Variants in SPATA13 observed in about 807,000 individuals in gnomAD.
SPATA13 encodes spermatogenesis-associated protein 13.
Under a neutral mutation model 104.0 loss-of-function variants are expected in SPATA13, and 50 were observed. The observed-to-expected ratio is 0.48, with a 90% CI of 0.38 to 0.61. The LOEUF (loss-of-function observed/expected upper bound fraction) is 0.61. SPATA13 is among the 20% of genes least tolerant of loss of function. The pLI, the probability that SPATA13 is intolerant of heterozygous loss-of-function variation, is 0.00. For missense variants in SPATA13, 1,524 were observed against 1,690.6 expected (o/e 0.90, Z 1.73); for synonymous variants, 606 against 667.5 (o/e 0.91, Z 1.42).
chr13:24,108,933 C>G (rs544656896), intron 3 of SPATA13, among the ~76,000 whole-genome samples: 1 of 152,256 alleles, frequency 6.6e-6, no homozygotes, highest in African/African-American at 2.4e-5. Context: ...CTGCTTGTAG[C>G]CCACACTCCA....
intron 1 of SPATA13, among the ~76,000 whole-genome samples, chr13:24,180,796 A>G (rs1171893032): frequency 6.6e-6 from 1 of 152,168 alleles, no homozygotes; most frequent in Non-Finnish European, 1.5e-5. Flanking sequence ...GTCTATAGAC[A>G]TGTGATGGAT....
At chr13:24,206,832 C>T (rs1206610428) in intron 1 of SPATA13, among the ~76,000 whole-genome samples, 1 of 148,146 alleles carries the variant, frequency 6.8e-6, no homozygotes, top group East Asian at 2.0e-4. Flanking sequence ...GCAAAGGTTG[C>T]AGTAAGCTGA....
At chr13:24,300,313 T>C (rs1877092502) in intron 11 of SPATA13, 88 bp from the exon 12 acceptor site, 1 of 997,270 alleles carries the variant, frequency 1.0e-6, no homozygotes, top group Non-Finnish European at 1.5e-6. Flanking sequence ...GGTGATAACC[T>C]CAATGCTGAT....
At chr13:24,172,255 A>G (rs1883004593) in intron 1 of SPATA13, among the ~76,000 whole-genome samples, 1 of 152,230 alleles carries the variant, frequency 6.6e-6, no homozygotes, top group Non-Finnish European at 1.5e-5. Context: ...CTCCGATGAT[A>G]CTAATACTCT....
At chr13:24,241,406 G>A (rs1027164873) in intron 2 of SPATA13, among the ~76,000 whole-genome samples, 20 of 152,240 alleles carry the variant, frequency 1.3e-4, no homozygotes, top group Admixed American at 5.2e-4. Context: ...GAGCCATCTT[G>A]AACAGGCGCA....
intron 1 of SPATA13, among the ~76,000 whole-genome samples, chr13:24,183,956 T>C (rs1226557888): frequency 2.0e-5 from 3 of 152,030 alleles, no homozygotes; most frequent in East Asian, 1.9e-4. Context: ...ACACAGCACA[T>C]TGAGCAGACA....
At position 24,279,254 on chromosome 13, in the gene SPATA13, G is replaced by A. The variant is rs1188905299; in HGVS notation, c.2165-4881G>A. Among the ~76,000 whole-genome samples, 14 of 152,282 alleles carry A rather than the reference G, an allele frequency of 9.2e-5. No individual in the cohort carries two copies. In the East Asian group the frequency reaches 1.5e-3, roughly 17 times the overall value. ...ACCTGGGGAGGGCTGTCAGGCACAC[G>A]GAGCAGCGGCCCTGGGCAAGGAGTG... On this transcript the variant is annotated intron_variant, in intron 4 of 12. Coordinates refer to ENST00000382108, the MANE Select transcript of SPATA13 (RefSeq NM_001166271.3).
chr13:24,195,194 G>C (rs1318036696), intron 1 of SPATA13, among the ~76,000 whole-genome samples: 4 of 152,126 alleles, frequency 2.6e-5, no homozygotes, highest in African/African-American at 9.7e-5. Context: ...CCTATCAATG[G>C]AATTATACAA....
At chr13:24,095,444 C>T (rs546664808) in intron 3 of SPATA13, among the ~76,000 whole-genome samples, 4 of 152,002 alleles carry the variant, frequency 2.6e-5, no homozygotes, top group Non-Finnish European at 5.9e-5. Flanking sequence ...TTAAATTTAA[C>T]GGGTACAGAG....
At chr13:24,163,379 G>A (rs1882590308) in intron 1 of SPATA13, among the ~76,000 whole-genome samples, 1 of 152,104 alleles carries the variant, frequency 6.6e-6, no homozygotes, top group South Asian at 2.1e-4. Flanking sequence ...TGCAGCCTGG[G>A]TGACAGAACG....
chr13:24,199,417 C>T (rs1870278040), intron 1 of SPATA13, among the ~76,000 whole-genome samples: 1 of 152,198 alleles, frequency 6.6e-6, no homozygotes, highest in Admixed American at 6.5e-5. Context: ...AGAAAGTGTG[C>T]ATCTGAATAA....
intron 4 of SPATA13, among the ~76,000 whole-genome samples, chr13:24,259,027 A>T (rs1322185336): frequency 4.6e-5 from 7 of 152,176 alleles, no homozygotes; most frequent in Non-Finnish European, 1.0e-4. Context: ...TGTAGTTTTG[A>T]TAAGAATCTG....
At chr13:24,194,073 T>A (rs1358896649) in intron 1 of SPATA13, among the ~76,000 whole-genome samples, 1 of 152,152 alleles carries the variant, frequency 6.6e-6, no homozygotes, top group Non-Finnish European at 1.5e-5. Context: ...AGTAGCCGAG[T>A]CTGTGGTGGG....
At chr13:24,296,597 G>T (rs1324522651) in intron 10 of SPATA13, among the ~76,000 whole-genome samples, 1 of 152,134 alleles carries the variant, frequency 6.6e-6, no homozygotes, top group Non-Finnish European at 1.5e-5. Context: ...ATAATGTCAG[G>T]TCCATAATCA....
Position 24,161,069 on chromosome 13 carries a change from C to T in SPATA13, c.-112+137C>T. Reference sequence around the variant, plus strand: ...CCAGCTCCCAGCTGCTTGGCCTCTGCTTCCCCCGCCGGTGGAGGCTACCGG... The same window carrying T: ...CCAGCTCCCAGCTGCTTGGCCTCTGTTTCCCCCGCCGGTGGAGGCTACCGG... On this transcript the variant is annotated intron_variant, in intron 1 of 12. Transcript: ENST00000382108. The surrounding 1 kb of genome is among the most constrained non-coding windows in gnomAD (Gnocchi z 4.5). 1 of 480,312 alleles carries T rather than the reference C, an allele frequency of 2.1e-6. No homozygotes were observed. Among genetic ancestry groups the T allele is most frequent in the Non-Finnish European group, 2.7e-6 (1 of 367,784 alleles). The allele number at this position is 480,312 out of a possible 1,614,324, so 29.8% of individuals were successfully genotyped here.
At chr13:24,176,995 C>T (rs1275256937) in intron 1 of SPATA13, among the ~76,000 whole-genome samples, 1 of 152,124 alleles carries the variant, frequency 6.6e-6, no homozygotes, top group African/African-American at 2.4e-5. Flanking sequence ...AAACTCCTGA[C>T]CTCAGGTAAT....
chr13:24,090,424 C>T (rs78318055), intron 3 of SPATA13, among the ~76,000 whole-genome samples: 4,112 of 152,316 alleles, frequency 0.027, 93 homozygotes, highest in Non-Finnish European at 0.043. Context: ...CAAACACAAC[C>T]ATCTAAGGTT....
At chr13:24,018,926 T>C (rs940538980) in intron 3 of SPATA13, among the ~76,000 whole-genome samples, 24 of 152,302 alleles carry the variant, frequency 1.6e-4, no homozygotes, top group African/African-American at 5.5e-4. Context: ...AAACTTAATT[T>C]GTCTGTTTTA....
At chr13:23,982,421 C>G (rs1359584557) in intron 1 of SPATA13, among the ~76,000 whole-genome samples, 2 of 152,172 alleles carry the variant, frequency 1.3e-5, no homozygotes, top group Non-Finnish European at 2.9e-5. Context: ...TTAGAATTCT[C>G]TTCATAATAC....
Sources: gnomAD v4.1 joint callset for allele counts (sites outside exome capture counted in the v4.1 genomes callset) on GRCh38, gnomAD v4.1.1 for gene constraint, Gnocchi (gnomAD v3.1) non-coding constraint, MANE v1.5 for transcripts, NCBI Gene and HGNC (gene_info 2026-07-23, HGNC 2026-07-21) for gene names.